The following SGCD variants were observed in gnomAD, a reference collection of about 807,000 sequenced individuals.
SGCD encodes delta-sarcoglycan.
In SGCD, 18 loss-of-function variants were observed where a neutral mutation model predicts 36.6. That is an observed-to-expected ratio of 0.49 (90% confidence interval 0.34 to 0.73). The LOEUF is 0.73. Among genes scored for constraint, SGCD ranks in the 30% least tolerant of loss-of-function variants. The pLI is 0.01. For missense variants in SGCD, 387 were observed against 346.7 expected (o/e 1.12, Z -0.92); for synonymous variants, 133 against 130.6 (o/e 1.02, Z -0.12).
chr5:156,374,824 C>T (rs1044837213), intron 3 of SGCD, among the ~76,000 whole-genome samples: 1 of 152,132 alleles, frequency 6.6e-6, no homozygotes, highest in African/African-American at 2.4e-5. Flanking sequence ...TACCAACACT[C>T]CAGCCGTGGT....
chr5:156,432,538 C>T (rs1753070059), intron 3 of SGCD, among the ~76,000 whole-genome samples: 1 of 152,052 alleles, frequency 6.6e-6, no homozygotes, highest in Admixed American at 6.6e-5. Flanking sequence ...AGTTTATGTC[C>T]TTTGTGTTAA....
At chr5:155,765,277 CGAAA>C in the SGCD span, among the ~76,000 whole-genome samples, 7 of 140,420 alleles carry the variant, frequency 5.0e-5, no homozygotes, top group Admixed American at 2.3e-4. Context: ...AAGACCCTGT[CGAAA>C]GAAAGAAAGA....
intron 4 of SGCD, among the ~76,000 whole-genome samples, chr5:156,580,695 T>C (rs1332259118): frequency 2.0e-5 from 3 of 152,250 alleles, no homozygotes; most frequent in Non-Finnish European, 2.9e-5. Flanking sequence ...TTGAATCAGC[T>C]ATTGAAGCTT....
At chr5:155,759,052 G>T in the SGCD span, among the ~76,000 whole-genome samples, 1 of 151,542 alleles carries the variant, frequency 6.6e-6, no homozygotes, top group African/African-American at 2.4e-5. Context: ...ATATTGCCCA[G>T]GCTGGTCTCA....
intron 3 of SGCD, among the ~76,000 whole-genome samples, chr5:156,188,667 C>CT (rs373671632): frequency 9.6e-6 from 1 of 103,680 alleles, no homozygotes; most frequent in Non-Finnish European, 2.1e-5. Context: ...CCACCCCAAC[C>CT]GCCCCCCCCG....
chr5:156,502,370 G>A (rs1482954215), intron 3 of SGCD, among the ~76,000 whole-genome samples: 2 of 152,026 alleles, frequency 1.3e-5, no homozygotes, highest in African/African-American at 4.8e-5. Flanking sequence ...TTTTTAGAGA[G>A]AGGATTTTGC....
intron 6 of SGCD, 55 bp from the exon 7 acceptor site, chr5:156,647,409 C>A (rs1763270225): frequency 2.4e-6 from 3 of 1,225,440 alleles, no homozygotes; most frequent in African/African-American, 1.5e-5. Context: ...CTGATTGTGC[C>A]TACAGGTGAC....
At chr5:156,216,178 T>C (rs556157671) in intron 3 of SGCD, among the ~76,000 whole-genome samples, 2 of 151,714 alleles carry the variant, frequency 1.3e-5, no homozygotes, top group Non-Finnish European at 2.9e-5. Flanking sequence ...GGGGAGAGAG[T>C]AGTCGAGGAA....
the SGCD span, among the ~76,000 whole-genome samples, chr5:155,768,477 C>T: frequency 6.6e-5 from 10 of 151,892 alleles, no homozygotes; most frequent in Admixed American, 2.0e-4. Context: ...CTGGGAAATG[C>T]GTAAATAAGT....
intron 3 of SGCD, among the ~76,000 whole-genome samples, chr5:156,151,560 A>T (rs997256299): frequency 7.3e-5 from 11 of 151,558 alleles, no homozygotes; most frequent in African/African-American, 2.4e-4. Flanking sequence ...GCATTGGCTC[A>T]TTTCTATTAA....
intron 3 of SGCD, among the ~76,000 whole-genome samples, chr5:156,153,166 A>G (rs973259668): frequency 2.0e-5 from 3 of 151,572 alleles, no homozygotes; most frequent in African/African-American, 7.3e-5. Context: ...TTTCTATTCT[A>G]TGAACTGAAT....
At chr5:156,388,871 G>A (rs1004615158) in intron 3 of SGCD, among the ~76,000 whole-genome samples, 13 of 152,030 alleles carry the variant, frequency 8.6e-5, no homozygotes, top group Admixed American at 3.9e-4. Context: ...ATAGAATATC[G>A]AGACCAGAAG....
At chr5:156,191,753 C>T (rs143249574) in intron 3 of SGCD, among the ~76,000 whole-genome samples, 10 of 152,080 alleles carry the variant, frequency 6.6e-5, no homozygotes, top group African/African-American at 2.4e-4. Flanking sequence ...TGGATCACAG[C>T]TCAGTGGGAT....
intron 3 of SGCD, among the ~76,000 whole-genome samples, chr5:156,385,069 G>C (rs1771201980): frequency 6.6e-6 from 1 of 152,202 alleles, no homozygotes; most frequent in African/African-American, 2.4e-5. Context: ...ATCATCAAGA[G>C]ACCACTCAAA....
chr5:155,840,741 G>C, the SGCD span, among the ~76,000 whole-genome samples: 1 of 151,462 alleles, frequency 6.6e-6, no homozygotes, highest in Non-Finnish European at 1.5e-5. Flanking sequence ...GCCGGGAGTG[G>C]TGGCTCGTGC....
At chr5:156,217,868 T>C (rs1195413585) in intron 3 of SGCD, among the ~76,000 whole-genome samples, 15 of 152,232 alleles carry the variant, frequency 9.9e-5, no homozygotes, top group Non-Finnish European at 1.8e-4. Context: ...AAATTATTTC[T>C]ATATCTAGTT....
At chr5:155,798,112 G>A in the SGCD span, among the ~76,000 whole-genome samples, 1 of 152,166 alleles carries the variant, frequency 6.6e-6, no homozygotes, top group Non-Finnish European at 1.5e-5. Context: ...CAGGTTCTAA[G>A]TCATTTTTTC....
At chr5:156,211,586 C>T (rs530412023) in intron 3 of SGCD, among the ~76,000 whole-genome samples, 11 of 140,666 alleles carry the variant, frequency 7.8e-5, no homozygotes, top group South Asian at 2.2e-4. Context: ...CCAGCCTGGG[C>T]GACAGAGCGA....
intron 3 of SGCD, among the ~76,000 whole-genome samples, chr5:156,240,095 G>A (rs999539530): frequency 6.6e-6 from 1 of 152,164 alleles, no homozygotes; most frequent in Non-Finnish European, 1.5e-5. Flanking sequence ...CTTTTGATGT[G>A]TGCTAATGTG....
Sources: gnomAD v4.1 joint callset for allele counts (sites outside exome capture counted in the v4.1 genomes callset) on GRCh38, gnomAD v4.1.1 for gene constraint, MANE v1.5 for transcripts, NCBI Gene and HGNC (gene_info 2026-07-23, HGNC 2026-07-21) for gene names.